Variants in EYA2 observed in about 807,000 individuals in gnomAD.
EYA2 encodes the protein EYA transcriptional coactivator and phosphatase 2, also known as protein phosphatase EYA2.
In EYA2, 31 loss-of-function variants were observed where a neutral mutation model predicts 69.2. That is an observed-to-expected ratio of 0.45 (90% CI 0.34 to 0.60). The LOEUF (loss-of-function observed/expected upper bound fraction) is 0.60. EYA2 is among the 20% of genes least tolerant of loss of function. EYA2 has a pLI of 0.02. For synonymous variants in EYA2, 257 were observed against 279.4 expected, an observed-to-expected ratio of 0.92 and a Z score of 0.80; for missense variants, 622 against 701.2, an observed-to-expected ratio of 0.89 and a Z score of 1.28.
intron 5 of EYA2, among the ~76,000 whole-genome samples, chr20:47,029,669 A>G (rs374697854): frequency 2.0e-5 from 3 of 152,058 alleles, no homozygotes; most frequent in East Asian, 3.8e-4. Flanking sequence ...ACATCTTTAC[A>G]TTTTGCCCAT....
At chr20:47,176,768 T>A (rs574699864) in intron 12 of EYA2, among the ~76,000 whole-genome samples, 113 of 151,040 alleles carry the variant, frequency 7.5e-4, no homozygotes, top group African/African-American at 2.6e-3. Context: ...TACAGTGTTA[T>A]GAGCCCAGGA....
intron 2 of EYA2, among the ~76,000 whole-genome samples, chr20:46,990,631 A>T (rs1212897543): frequency 6.6e-6 from 1 of 152,266 alleles, no homozygotes; most frequent in Non-Finnish European, 1.5e-5. Context: ...CAAATGATGC[A>T]GTCGAACTAG....
At chr20:47,053,538 A>G (rs2030446954) in intron 5 of EYA2, among the ~76,000 whole-genome samples, 1 of 151,698 alleles carries the variant, frequency 6.6e-6, no homozygotes. Context: ...GTGGTGGCGC[A>G]TGCCTGTAGT....
intron 10 of EYA2, among the ~76,000 whole-genome samples, chr20:47,167,280 CT>C (rs11470455): frequency 1.4e-3 from 152 of 111,716 alleles, no homozygotes; most frequent in East Asian, 4.8e-3. Context: ...GGTTTTTTTA[CT>C]TTTTTTTTTT....
chr20:46,911,052 C>T (rs1984620093), intron 1 of EYA2, among the ~76,000 whole-genome samples: 2 of 152,172 alleles, frequency 1.3e-5, no homozygotes, highest in Non-Finnish European at 2.9e-5. Context: ...TGTTGGCTCT[C>T]CTAGAGTAGA....
At chr20:46,924,514 C>A (rs1985319652) in intron 1 of EYA2, among the ~76,000 whole-genome samples, 3 of 151,914 alleles carry the variant, frequency 2.0e-5, no homozygotes, top group Admixed American at 2.0e-4. Context: ...ACTAAAAATA[C>A]AAAAAATTAG....
At chr20:46,921,095 C>G (rs1985157877) in intron 1 of EYA2, among the ~76,000 whole-genome samples, 1 of 152,216 alleles carries the variant, frequency 6.6e-6, no homozygotes, top group Non-Finnish European at 1.5e-5. Context: ...TTCTCTAACC[C>G]TGCCAGAACT....
At chr20:47,074,429 G>T in intron 7 of EYA2, 94 bp downstream of exon 7, 3 of 1,324,886 alleles carry the variant, frequency 2.3e-6, no homozygotes, top group Non-Finnish European at 3.2e-6. Context: ...GTAACAAACA[G>T]GTTACCCAAG....
At chr20:47,014,703 T>A (rs1306475307) in intron 4 of EYA2, among the ~76,000 whole-genome samples, 1 of 151,780 alleles carries the variant, frequency 6.6e-6, no homozygotes, top group Non-Finnish European at 1.5e-5. Flanking sequence ...CAAATACATA[T>A]GTATATGCAT....
chr20:47,112,290 T>C (rs1418482136), intron 9 of EYA2, among the ~76,000 whole-genome samples: 2 of 152,092 alleles, frequency 1.3e-5, no homozygotes, highest in East Asian at 3.9e-4. Context: ...GCCATGTAAT[T>C]ATAACCATGC....
At position 47,035,507 on chromosome 20, in the gene EYA2, C is replaced by T. The variant is rs533856950; in HGVS notation, c.415+19210C>T. On this transcript the variant is annotated intron_variant, in intron 5 of 15. Transcript: ENST00000327619. ...TCTGCCACCACCCGCCACCCCTTCCCGAAGGGGAAGAAAAAAATCATAATA... is the reference window on the plus strand; with the variant it reads ...TCTGCCACCACCCGCCACCCCTTCCTGAAGGGGAAGAAAAAAATCATAATA... Among the ~76,000 whole-genome samples, 241 of 152,258 alleles carry T rather than the reference C, an allele frequency of 1.6e-3. 2 individuals carry two copies. The highest frequency in any genetic ancestry group is 5.6e-3 in the African/African-American group (232 of 41,546).
intron 9 of EYA2, among the ~76,000 whole-genome samples, chr20:47,139,554 C>G (rs1568803107): frequency 6.6e-6 from 1 of 152,250 alleles, no homozygotes; most frequent in East Asian, 1.9e-4. Flanking sequence ...CTCAGCCTCC[C>G]GAATAGCTGG....
chr20:47,177,073 C>T (rs1485961145), intron 12 of EYA2, among the ~76,000 whole-genome samples: 1 of 152,132 alleles, frequency 6.6e-6, no homozygotes, highest in Non-Finnish European at 1.5e-5. Context: ...GCTGGGATTA[C>T]AGGCATGAGC....
In EYA2 at chr20:47,004,955, G is replaced by T. The variant is rs1982614201; in HGVS notation, c.169G>T (p.Val57Phe). ...SQLFSRSCPR[V>F]LPRQPSTAMA... The stretch of plus-strand genomic sequence containing the variant: ...CTTTCCACACAGATCTTGCCCACGT[G>T]TCCTCCCCCGCCAGCCTTCCACAGC... Residue 57 changes from valine (V) to phenylalanine (F), a missense_variant, in exon 4 of 16, where the codon GTC becomes TTC. Transcript: ENST00000327619. 6.2e-7 allele frequency: 1 copy of T among 1,613,916 alleles called. No individual in the cohort carries two copies. The highest frequency in any genetic ancestry group is 1.3e-5 in the African/African-American group (1 of 74,904).
rs1245776246 is a variant in EYA2, at chr20:47,188,157, G to A, written c.*24G>A. On this transcript the variant is annotated 3_prime_UTR_variant, in exon 16 of 16. Coordinates refer to ENST00000327619, the MANE Select transcript of EYA2 (RefSeq NM_005244.5). ...AGCAGGATCAGCAGCATCTCCACCT[G>A]CCATCTCACCCTCAGACCCCCTCGC... The A allele has an allele frequency of 6.4e-7, 1 of 1,553,962 alleles. No individual in the cohort carries two copies. The highest frequency in any genetic ancestry group is 1.9e-5 in the Admixed American group (1 of 51,756).
intron 10 of EYA2, among the ~76,000 whole-genome samples, chr20:47,152,489 C>A (rs575054513): frequency 6.6e-6 from 1 of 151,454 alleles, no homozygotes; most frequent in Admixed American, 6.6e-5. Context: ...GCAGCCCCAT[C>A]CCTTGGATGG....
intron 10 of EYA2, chr20:47,161,112 A>G: frequency 3.1e-6 from 1 of 323,250 alleles, no homozygotes; most frequent in Non-Finnish European, 5.8e-6. Context: ...ATGGGGACCG[A>G]GATGATGCCA....
intron 12 of EYA2, among the ~76,000 whole-genome samples, chr20:47,173,732 A>G (rs2034376514): frequency 6.6e-6 from 1 of 152,004 alleles, no homozygotes; most frequent in South Asian, 2.1e-4. Context: ...CAGAATCTGC[A>G]TTTTTGACAA....
intron 1 of EYA2, among the ~76,000 whole-genome samples, chr20:46,984,688 T>C (rs73305678): frequency 0.043 from 6,522 of 152,244 alleles, 473 homozygotes; most frequent in African/African-American, 0.15. Context: ...CTTGTTCAAG[T>C]TCAGTTCACA....
Sources: allele counts gnomAD v4.1 joint callset (sites outside exome capture counted in the v4.1 genomes callset), GRCh38; gene constraint gnomAD v4.1.1; transcripts MANE v1.5; gene names NCBI Gene and HGNC (gene_info 2026-07-23, HGNC 2026-07-21).